Variants in EXT1 observed in about 807,000 individuals in gnomAD.
EXT1 encodes exostosin glycosyltransferase 1.
EXT1 carries 20 observed loss-of-function variants against 82.5 expected under a neutral mutation model. The observed-to-expected ratio is 0.24, with a 90% CI of 0.17 to 0.35. The LOEUF is 0.35. EXT1 is among the 10% of genes least tolerant of loss of function. EXT1 has a pLI of 1.00. For synonymous variants in EXT1, 348 were observed against 350.8 expected, an observed-to-expected ratio of 0.99 and a Z score of 0.09; for missense variants, 757 against 936.5, an observed-to-expected ratio of 0.81 and a Z score of 2.50.
chr8:117,959,354 G>A (rs1208052050), intron 1 of EXT1, among the ~76,000 whole-genome samples: 1 of 152,148 alleles, frequency 6.6e-6, no homozygotes, highest in Non-Finnish European at 1.5e-5. Context: ...TCCATCACTC[G>A]CTTCTGCTTC....
intron 1 of EXT1, among the ~76,000 whole-genome samples, chr8:117,993,068 T>A (rs1312975456): frequency 6.6e-6 from 1 of 152,230 alleles, no homozygotes; most frequent in Non-Finnish European, 1.5e-5. Flanking sequence ...TTTCTGCAGA[T>A]AACTTGTTGA....
intron 1 of EXT1, among the ~76,000 whole-genome samples, chr8:117,982,167 C>T (rs982995644): frequency 6.6e-6 from 1 of 152,164 alleles, no homozygotes; most frequent in East Asian, 1.9e-4. Context: ...AGGTGTCAGT[C>T]GGCCACGTCC....
intron 1 of EXT1, among the ~76,000 whole-genome samples, chr8:117,878,133 G>T (rs1238641396): frequency 6.6e-6 from 1 of 152,166 alleles, no homozygotes; most frequent in African/African-American, 2.4e-5. Flanking sequence ...ACTTAGCCAG[G>T]CGTGGTGGCA....
intron 7 of EXT1, 138 bp from the exon 8 acceptor site, chr8:117,813,099 G>T: frequency 1.4e-6 from 1 of 721,880 alleles, no homozygotes. Flanking sequence ...AACACCGAAG[G>T]AATCTCATTT....
At chr8:117,898,103 C>A (rs1259471180) in intron 1 of EXT1, among the ~76,000 whole-genome samples, 1 of 152,170 alleles carries the variant, frequency 6.6e-6, no homozygotes, top group Non-Finnish European at 1.5e-5. Flanking sequence ...TTTTTCTTGA[C>A]CCCAAAGTGT....
At chr8:117,984,705 C>T (rs185014106) in intron 1 of EXT1, among the ~76,000 whole-genome samples, 3 of 152,164 alleles carry the variant, frequency 2.0e-5, no homozygotes, top group Non-Finnish European at 4.4e-5. Context: ...CATGATCTGA[C>T]TGGACACACC....
rs115694214 is a variant in EXT1, at chr8:117,869,085, C to T, written c.963-31884G>A. On this transcript the variant is annotated intron_variant, in intron 1 of 10. Coordinates refer to ENST00000378204, the MANE Select transcript of EXT1 (RefSeq NM_000127.3). Reference sequence around the variant, plus strand: ...GTTCTGCCTGGCGGGCTGGACTTCCCGCCAGCGCCCACAGGCCCCCACCCA... The same window carrying T: ...GTTCTGCCTGGCGGGCTGGACTTCCTGCCAGCGCCCACAGGCCCCCACCCA... Among the ~76,000 whole-genome samples, 1,221 of 152,232 alleles carry T rather than the reference C, an allele frequency of 8.0e-3. 19 individuals carry two copies. Among genetic ancestry groups the T allele is most frequent in the African/African-American group, 0.027 (1,140 of 41,526 alleles).
At chr8:117,943,579 A>C (rs777549143) in intron 1 of EXT1, among the ~76,000 whole-genome samples, 1 of 152,234 alleles carries the variant, frequency 6.6e-6, no homozygotes, top group Non-Finnish European at 1.5e-5. Context: ...CTGCAAAAGA[A>C]AGTACATGTG....
chr8:117,820,018 T>C (rs762113003), intron 5 of EXT1, among the ~76,000 whole-genome samples: 6 of 152,200 alleles, frequency 3.9e-5, no homozygotes, highest in Non-Finnish European at 8.8e-5. Context: ...TGTCCACTTC[T>C]AGGTTCTTGC....
intron 1 of EXT1, among the ~76,000 whole-genome samples, chr8:118,003,328 A>C (rs17476296): frequency 6.6e-6 from 1 of 152,084 alleles, no homozygotes; most frequent in Non-Finnish European, 1.5e-5. Flanking sequence ...GGGTGCACTG[A>C]AATCTCAGAA....
At chr8:117,839,097 G>A (rs1812231686) in intron 1 of EXT1, among the ~76,000 whole-genome samples, 1 of 152,166 alleles carries the variant, frequency 6.6e-6, no homozygotes, top group African/African-American at 2.4e-5. Flanking sequence ...TGCTTAAATG[G>A]TTACATAGAA....
intron 1 of EXT1, among the ~76,000 whole-genome samples, chr8:117,867,043 G>A (rs749918638): frequency 2.6e-5 from 4 of 151,974 alleles, no homozygotes; most frequent in East Asian, 3.9e-4. Context: ...GGTGGATCGC[G>A]AGGTCAGGAG....
At chr8:117,958,384 T>C (rs566186301) in intron 1 of EXT1, among the ~76,000 whole-genome samples, 53 of 152,320 alleles carry the variant, frequency 3.5e-4, no homozygotes, top group African/African-American at 1.1e-3. Context: ...TAAAATGACC[T>C]TGACTTCCCG....
At chr8:117,998,668 A>G (rs566308399) in intron 1 of EXT1, among the ~76,000 whole-genome samples, 1 of 152,312 alleles carries the variant, frequency 6.6e-6, no homozygotes, top group African/African-American at 2.4e-5. Context: ...AGGATAAGAA[A>G]GCATACATAT....
chr8:117,827,777 T>A (rs948049588), intron 4 of EXT1, among the ~76,000 whole-genome samples: 4 of 85,452 alleles, frequency 4.7e-5, no homozygotes, highest in Admixed American at 1.9e-4. Context: ...AGGGTGAGAC[T>A]CTGTCTCAAA....
At chr8:117,910,702 G>C (rs776588935) in intron 1 of EXT1, among the ~76,000 whole-genome samples, 1 of 152,214 alleles carries the variant, frequency 6.6e-6, no homozygotes, top group Non-Finnish European at 1.5e-5. Flanking sequence ...AAGTGTCATT[G>C]TCCTCATTTC....
intron 1 of EXT1, among the ~76,000 whole-genome samples, chr8:117,980,501 A>T (rs1446946821): frequency 6.6e-6 from 1 of 152,068 alleles, no homozygotes; most frequent in Non-Finnish European, 1.5e-5. Context: ...TTCCTTACAA[A>T]CTACACTAAC....
At chr8:118,037,379 C>CTT (rs5894410) in intron 1 of EXT1, among the ~76,000 whole-genome samples, 2,761 of 138,962 alleles carry the variant, frequency 0.02, 94 homozygotes, top group African/African-American at 0.069. Context: ...AAAAAGATTC[C>CTT]TTTTTTTTTT....
intron 1 of EXT1, among the ~76,000 whole-genome samples, chr8:117,958,859 C>T (rs977895496): frequency 1.3e-5 from 2 of 152,066 alleles, no homozygotes; most frequent in East Asian, 3.9e-4. Flanking sequence ...CTAAATATGC[C>T]ATTTCTCTCA....
Sources: allele counts gnomAD v4.1 joint callset (sites outside exome capture counted in the v4.1 genomes callset), GRCh38; gene constraint gnomAD v4.1.1; transcripts MANE v1.5; gene names NCBI Gene and HGNC (gene_info 2026-07-23, HGNC 2026-07-21).